The following HS3ST4 variants were observed in gnomAD, a reference collection of about 807,000 sequenced individuals.
The protein encoded by HS3ST4 is heparan sulfate-glucosamine 3-sulfotransferase 4.
A neutral mutation model predicts 29.2 loss-of-function variants in HS3ST4; 17 were observed. The observed-to-expected ratio is 0.58, with a 90% CI of 0.40 to 0.87. The LOEUF (loss-of-function observed/expected upper bound fraction) is 0.87, where lower values mean the gene tolerates loss of function less well. Among genes scored for constraint, HS3ST4 ranks in the 40% least tolerant of loss-of-function variants. The pLI is 0.00. For missense variants in HS3ST4, 627 were observed against 634.5 expected (o/e 0.99, Z 0.13); for synonymous variants, 314 against 285.7 (o/e 1.10, Z -1.00).
chr16:25,759,748 G>C (rs1241555070), intron 1 of HS3ST4, among the ~76,000 whole-genome samples: 1 of 152,118 alleles, frequency 6.6e-6, no homozygotes, highest in African/African-American at 2.4e-5. Context: ...AACATAGTGA[G>C]ACGCCATCTC....
At chr16:25,987,372 C>T (rs915349755) in intron 1 of HS3ST4, among the ~76,000 whole-genome samples, 15 of 151,932 alleles carry the variant, frequency 9.9e-5, no homozygotes, top group African/African-American at 3.4e-4. Flanking sequence ...AGCAATACTT[C>T]TAATAATTTT....
At chr16:26,088,014 G>A (rs1898810303) in intron 1 of HS3ST4, among the ~76,000 whole-genome samples, 2 of 152,280 alleles carry the variant, frequency 1.3e-5, no homozygotes, top group South Asian at 2.1e-4. Context: ...AGCTTGCAAT[G>A]ATTTTCTAGT....
intron 1 of HS3ST4, among the ~76,000 whole-genome samples, chr16:25,913,018 G>T (rs1052754752): frequency 1.3e-5 from 2 of 152,180 alleles, no homozygotes; most frequent in African/African-American, 4.8e-5. Flanking sequence ...GTGAATGGGG[G>T]TCTATTTGGG....
chr16:25,697,064 C>G (rs560400172), intron 1 of HS3ST4, among the ~76,000 whole-genome samples: 1 of 152,178 alleles, frequency 6.6e-6, no homozygotes. Flanking sequence ...ACCACACTGC[C>G]ACACATAAAG....
chr16:25,697,097 GTTCA>G (rs753413862), intron 1 of HS3ST4, among the ~76,000 whole-genome samples: 29 of 152,244 alleles, frequency 1.9e-4, no homozygotes, highest in Non-Finnish European at 2.6e-4. Flanking sequence ...TATACCCTGT[GTTCA>G]TTCATTCATT....
intron 1 of HS3ST4, among the ~76,000 whole-genome samples, chr16:25,839,321 T>G (rs1192971889): frequency 2.0e-5 from 3 of 152,238 alleles, no homozygotes; most frequent in Admixed American, 6.5e-5. Context: ...AAGACTTGGC[T>G]GTCTTGCTGG....
chr16:25,832,402 G>A (rs369131589), intron 1 of HS3ST4, among the ~76,000 whole-genome samples: 1 of 152,320 alleles, frequency 6.6e-6, no homozygotes, highest in Admixed American at 6.5e-5. Flanking sequence ...CCCAGTGAAT[G>A]CCACCAGGGA....
At chr16:26,033,440 G>A (rs1212871822) in intron 1 of HS3ST4, among the ~76,000 whole-genome samples, 1 of 151,356 alleles carries the variant, frequency 6.6e-6, no homozygotes, top group Admixed American at 6.6e-5. Flanking sequence ...GCTTGAACCT[G>A]GGAGGCGGAG....
chr16:25,710,797 T>A (rs1966409941), intron 1 of HS3ST4, among the ~76,000 whole-genome samples: 1 of 148,228 alleles, frequency 6.7e-6, no homozygotes, highest in African/African-American at 2.5e-5. Flanking sequence ...GTTGTGCTTT[T>A]GCATATTATC....
intron 1 of HS3ST4, among the ~76,000 whole-genome samples, chr16:25,789,436 TTCCTTCCTTCCTTCCTTCCTTCC>T (rs1966863800): frequency 8.6e-6 from 1 of 116,642 alleles, no homozygotes; most frequent in African/African-American, 3.1e-5. Context: ...CCTTCCTTCC[TTCCTTCCTTCCTTCCTTCCTTCC>T]TTCCTTCCTT....
chr16:25,822,367 A>T (rs1967167332), intron 1 of HS3ST4, among the ~76,000 whole-genome samples: 1 of 151,972 alleles, frequency 6.6e-6, no homozygotes, highest in Non-Finnish European at 1.5e-5. Flanking sequence ...TCTCCTCCAA[A>T]ACGCCTCACC....
At chr16:26,113,678 G>T (rs1372922582) in intron 1 of HS3ST4, among the ~76,000 whole-genome samples, 2 of 152,182 alleles carry the variant, frequency 1.3e-5, no homozygotes, top group Admixed American at 6.5e-5. Context: ...GCTGGGCAAA[G>T]AATTTAATTG....
At chr16:25,900,750 C>T (rs1968113052) in intron 1 of HS3ST4, among the ~76,000 whole-genome samples, 2 of 152,234 alleles carry the variant, frequency 1.3e-5, no homozygotes, top group African/African-American at 4.8e-5. Context: ...TCTATAGCAT[C>T]TTACCCCCAA....
chr16:25,880,386 G>A (rs1967882281), intron 1 of HS3ST4, among the ~76,000 whole-genome samples: 1 of 152,172 alleles, frequency 6.6e-6, no homozygotes, highest in South Asian at 2.1e-4. Context: ...AGTGGCAGAT[G>A]CAAATGTGCT....
intron 1 of HS3ST4, among the ~76,000 whole-genome samples, chr16:26,023,745 C>T (rs1969439114): frequency 6.6e-6 from 1 of 152,058 alleles, no homozygotes; most frequent in African/African-American, 2.4e-5. Flanking sequence ...CCTACCTAGT[C>T]TTTATCTCTG....
intron 1 of HS3ST4, among the ~76,000 whole-genome samples, chr16:25,773,914 C>G (rs530726593): frequency 9.7e-4 from 147 of 152,184 alleles, no homozygotes; most frequent in African/African-American, 3.4e-3. Flanking sequence ...AACCAGCCCC[C>G]CTAAACCCTT....
At chr16:26,050,152 T>C (rs568825785) in intron 1 of HS3ST4, among the ~76,000 whole-genome samples, 1 of 152,252 alleles carries the variant, frequency 6.6e-6, no homozygotes, top group African/African-American at 2.4e-5. Context: ...CTTTGGTCTT[T>C]CCAGTAACCA....
At chr16:25,835,541 T>C (rs1387891038) in intron 1 of HS3ST4, among the ~76,000 whole-genome samples, 1 of 151,974 alleles carries the variant, frequency 6.6e-6, no homozygotes, top group African/African-American at 2.4e-5. Context: ...GTACCTACCA[T>C]GTGCCATCAA....
intron 1 of HS3ST4, among the ~76,000 whole-genome samples, chr16:26,105,333 T>C (rs1899038692): frequency 6.6e-6 from 1 of 152,092 alleles, no homozygotes; most frequent in Non-Finnish European, 1.5e-5. Context: ...TGATAGACAC[T>C]GGTGAATACA....
Sources: allele counts gnomAD v4.1 joint callset (sites outside exome capture counted in the v4.1 genomes callset), GRCh38; gene constraint gnomAD v4.1.1; transcripts MANE v1.5; gene names NCBI Gene and HGNC (gene_info 2026-07-23, HGNC 2026-07-21).